RSF1: variants seen among roughly 807,000 people sequenced by gnomAD.
The protein encoded by RSF1 is HBV pX-associated protein 8.
A neutral mutation model predicts 145.2 loss-of-function variants in RSF1; 13 were observed. That is an observed-to-expected ratio of 0.09 (90% CI 0.06 to 0.14). The LOEUF is 0.14. Among genes scored for constraint, RSF1 ranks in the 10% least tolerant of loss-of-function variants. The pLI, the probability that RSF1 is intolerant of heterozygous loss-of-function variation, is 1.00. For synonymous variants in RSF1, 577 were observed against 592.6 expected (o/e 0.97, Z 0.38); for missense variants, 1,517 against 1,718.2 (o/e 0.88, Z 2.07).
chr11:77,768,187 G>C (rs944205515), intron 1 of RSF1, among the ~76,000 whole-genome samples: 1 of 116,832 alleles, frequency 8.6e-6, no homozygotes, highest in African/African-American at 3.6e-5. Context: ...TTTTGAGACA[G>C]AGTCTCGTTC....
chr11:77,802,965 AAAAC>A (rs1381924324), intron 1 of RSF1, among the ~76,000 whole-genome samples: 16 of 152,210 alleles, frequency 1.1e-4, no homozygotes, highest in African/African-American at 3.6e-4. Flanking sequence ...TCATCTCTAA[AAAAC>A]AAACAAACAA....
the RSF1 span, among the ~76,000 whole-genome samples, chr11:77,870,329 A>ATT: frequency 5.9e-3 from 517 of 87,990 alleles, 13 homozygotes; most frequent in African/African-American, 0.016. Flanking sequence ...CTATTTTTTA[A>ATT]TTTTTTTTTT....
chr11:77,704,203 A>G (rs2135857439), intron 5 of RSF1, among the ~76,000 whole-genome samples: 1 of 152,210 alleles, frequency 6.6e-6, no homozygotes, highest in South Asian at 2.1e-4. Flanking sequence ...GCTGAGGTGG[A>G]AGGATCACTG....
intron 1 of RSF1, among the ~76,000 whole-genome samples, chr11:77,770,205 G>C (rs1368235560): frequency 6.6e-6 from 1 of 152,226 alleles, no homozygotes; most frequent in Non-Finnish European, 1.5e-5. Flanking sequence ...GCTCGTGCCT[G>C]TAATCCCAGC....
rs959920856 is a variant in RSF1 at position 77,802,353 on chromosome 11, C to T, written c.187+18175G>A. ...GGAAGGCAGTCTTGTGGGTCTGAGT[C>T]TTTAATTTGTGGGACTGTGGTAACT... On this transcript the variant is annotated intron_variant, in intron 1 of 15. Coordinates refer to ENST00000308488, the MANE Select transcript of RSF1 (RefSeq NM_016578.4). Among the ~76,000 whole-genome samples the T allele has an allele frequency of 7.9e-5, 12 of 151,994 alleles. 1 individual carries two copies. The highest frequency in any genetic ancestry group is 7.9e-4 in the Admixed American group (12 of 15,266).
intron 1 of RSF1, among the ~76,000 whole-genome samples, chr11:77,797,167 C>T (rs112442839): frequency 0.13 from 19,596 of 152,064 alleles, 1,448 homozygotes; most frequent in Admixed American, 0.2. Flanking sequence ...CTAATTTAAA[C>T]TTCATATGGA....
the RSF1 span, among the ~76,000 whole-genome samples, chr11:77,843,775 G>A: frequency 0.42 from 64,309 of 151,894 alleles, 14,144 homozygotes; most frequent in African/African-American, 0.53. Context: ...TCATGCTGCC[G>A]ATAAAGACAT....
chr11:77,740,848 A>G lies in RSF1; in HGVS notation c.461T>C (p.Ile154Thr), dbSNP rs768765252. 3.1e-6 allele frequency: 5 copies of G among 1,614,116 alleles called. No individual in the cohort carries two copies. The highest frequency in any genetic ancestry group is 3.4e-6 in the Non-Finnish European group (4 of 1,179,972). ...EDADTMRLQP[I>T]GRDKDGLMYW... ...CATGAGGCCATCTTTGTCTCGACCA[A>G]TTGGCTGGAGACGCATAGTATCGGC... The change falls in exon 4 of 16, where the codon ATT (isoleucine) becomes ACT (threonine). Residue 154 changes from isoleucine to threonine, a missense_variant. Coordinates refer to ENST00000308488, the MANE Select transcript of RSF1 (RefSeq NM_016578.4).
At chr11:77,768,161 CTT>C (rs758401653) in intron 1 of RSF1, among the ~76,000 whole-genome samples, 5 of 122,768 alleles carry the variant, frequency 4.1e-5, no homozygotes, top group Non-Finnish European at 6.6e-5. Context: ...ATATTATCAG[CTT>C]TTTTTTTTTT....
chr11:77,798,324 C>A (rs1382267497), intron 1 of RSF1, among the ~76,000 whole-genome samples: 1 of 151,916 alleles, frequency 6.6e-6, no homozygotes, highest in African/African-American at 2.4e-5. Context: ...GTGGCTCATG[C>A]CTGTAATCCT....
At chr11:77,698,130 G>C (rs922110289) in intron 7 of RSF1, among the ~76,000 whole-genome samples, 2 of 152,090 alleles carry the variant, frequency 1.3e-5, no homozygotes, top group African/African-American at 4.8e-5. Flanking sequence ...ACTGGCATGT[G>C]GCCACCATGC....
At chr11:77,679,100 C>T (rs771150875) in intron 11 of RSF1, among the ~76,000 whole-genome samples, 6 of 152,154 alleles carry the variant, frequency 3.9e-5, no homozygotes, top group African/African-American at 7.2e-5. Context: ...AAAGCAGCTA[C>T]GGACAACATG....
chr11:77,669,431 C>T (rs1959460872), intron 15 of RSF1, among the ~76,000 whole-genome samples: 1 of 152,222 alleles, frequency 6.6e-6, no homozygotes, highest in African/African-American at 2.4e-5. Context: ...GAATACTCAT[C>T]TGTGCTTTGG....
At chr11:77,674,308 C>T (rs1959633981) in intron 14 of RSF1, among the ~76,000 whole-genome samples, 1 of 152,176 alleles carries the variant, frequency 6.6e-6, no homozygotes, top group African/African-American at 2.4e-5. Flanking sequence ...ATAAAGCATT[C>T]ATTTCTTGTA....
chr11:77,777,205 CATT>C (rs768325327), intron 1 of RSF1, among the ~76,000 whole-genome samples: 2 of 152,196 alleles, frequency 1.3e-5, no homozygotes, highest in African/African-American at 2.4e-5. Context: ...GCCATAATAC[CATT>C]ATTACCTCTT....
At chr11:77,797,324 A>G (rs1377010254) in intron 1 of RSF1, among the ~76,000 whole-genome samples, 1 of 152,204 alleles carries the variant, frequency 6.6e-6, no homozygotes, top group African/African-American at 2.4e-5. Context: ...ATATAGTCCA[A>G]TGGAGCAAAA....
At position 77,683,781 on chromosome 11, in the gene RSF1, T is replaced by C. The variant is rs1396737189; in HGVS notation, c.2994A>G (p.Lys998=). Residue 998 remains lysine (K), a synonymous_variant, in exon 11 of 16, where the codon AAA becomes AAG. Transcript: ENST00000308488. ...AGTTTGCTTTGGATTTTTTTGAATC[T>C]TTTTTCTTTTCTTCTTGATCTTCAG... ...DFSEDQEEKK[K]DSKKSKANLL... The C allele has an allele frequency of 4.3e-6, 7 of 1,612,878 alleles. No homozygotes were observed. The highest frequency in any genetic ancestry group is 5.9e-6 in the Non-Finnish European group (7 of 1,179,830).
the RSF1 span, among the ~76,000 whole-genome samples, chr11:77,858,302 CTTTTTTT>C: frequency 5.6e-3 from 385 of 69,360 alleles, 8 homozygotes; most frequent in Middle Eastern, 0.019. Context: ...TTAAGCAATT[CTTTTTTT>C]TTTTTTTTTT....
chr11:77,736,472 T>C (rs182750622), intron 4 of RSF1, among the ~76,000 whole-genome samples: 9 of 152,354 alleles, frequency 5.9e-5, no homozygotes, highest in Admixed American at 5.9e-4. Context: ...TCAAATGAGA[T>C]GATGCCCCAC....
Sources: allele counts gnomAD v4.1 joint callset (sites outside exome capture counted in the v4.1 genomes callset), GRCh38; gene constraint gnomAD v4.1.1; transcripts MANE v1.5; gene names NCBI Gene and HGNC (gene_info 2026-07-23, HGNC 2026-07-21).